Variants in ATP8A1 observed in about 807,000 individuals in gnomAD.
The protein encoded by ATP8A1 is phospholipid-transporting ATPase IA.
Under a neutral mutation model 177.7 loss-of-function variants are expected in ATP8A1, and 90 were observed. The observed-to-expected ratio is 0.51, with a 90% CI of 0.43 to 0.60. The LOEUF (loss-of-function observed/expected upper bound fraction) is 0.60. ATP8A1 is among the 20% of genes least tolerant of loss of function. The pLI, the probability that ATP8A1 is intolerant of heterozygous loss-of-function variation, is 0.00. For missense variants in ATP8A1, 1,072 were observed against 1,392.8 expected, an observed-to-expected ratio of 0.77 and a Z score of 3.67; for synonymous variants, 493 against 485.9, an observed-to-expected ratio of 1.01 and a Z score of -0.19.
chr4:42,471,940 A>G, intron 25 of ATP8A1: 2 of 671,798 alleles, frequency 3.0e-6, no homozygotes, highest in Non-Finnish European at 5.7e-6. Context: ...CAGGAAGCTG[A>G]GTATTACAGC....
At chr4:42,511,941 G>C (rs190636563) in intron 22 of ATP8A1, among the ~76,000 whole-genome samples, 2 of 152,224 alleles carry the variant, frequency 1.3e-5, no homozygotes, top group South Asian at 4.2e-4. Context: ...TAAAGACAAA[G>C]TAATATTATT....
At chr4:42,604,278 C>G (rs1206495811) in intron 5 of ATP8A1, among the ~76,000 whole-genome samples, 1 of 152,222 alleles carries the variant, frequency 6.6e-6, no homozygotes, top group Non-Finnish European at 1.5e-5. Context: ...TCCTTTAGAA[C>G]ACTTATCACA....
At chr4:42,597,090 A>G (rs938104216) in intron 6 of ATP8A1, among the ~76,000 whole-genome samples, 2 of 152,196 alleles carry the variant, frequency 1.3e-5, no homozygotes, top group Non-Finnish European at 2.9e-5. Flanking sequence ...AAGTCTGCCC[A>G]GCTGTGAATG....
chr4:42,555,122 T>G (rs1027710142), intron 16 of ATP8A1, among the ~76,000 whole-genome samples: 1 of 93,632 alleles, frequency 1.1e-5, no homozygotes, highest in South Asian at 3.5e-4. Context: ...TCTATCTATC[T>G]ATCTATCTAT....
At chr4:42,654,216 C>T (rs556608650) in intron 1 of ATP8A1, among the ~76,000 whole-genome samples, 1 of 152,260 alleles carries the variant, frequency 6.6e-6, no homozygotes, top group East Asian at 1.9e-4. Context: ...TAAGTATGTA[C>T]TAAATTCCTA....
At chr4:42,551,811 C>A (rs1276714752) in intron 17 of ATP8A1, among the ~76,000 whole-genome samples, 3 of 152,058 alleles carry the variant, frequency 2.0e-5, no homozygotes, top group Non-Finnish European at 4.4e-5. Flanking sequence ...TAGTTTCTAC[C>A]CTAATGATAT....
chr4:42,595,565 A>T (rs1268388042), intron 6 of ATP8A1, among the ~76,000 whole-genome samples: 1 of 152,204 alleles, frequency 6.6e-6, no homozygotes, highest in Non-Finnish European at 1.5e-5. Flanking sequence ...AAAAACTGCA[A>T]GTATAAATGT....
chr4:42,493,716 T>G (rs1469241609), intron 24 of ATP8A1, among the ~76,000 whole-genome samples: 3 of 152,176 alleles, frequency 2.0e-5, no homozygotes, highest in Admixed American at 6.5e-5. Flanking sequence ...GGCAGGTGAC[T>G]TAACTTCTCT....
In ATP8A1 at chr4:42,586,125, C is replaced by A. The variant is rs1484036637; in HGVS notation, c.722+224G>T. Among the ~76,000 whole-genome samples the A allele has an allele frequency of 2.6e-5, 4 of 152,146 alleles. No homozygotes were observed. In the East Asian group the frequency reaches 7.7e-4, roughly 29 times the overall value. Reference sequence around the variant, plus strand: ...GAATATCTCTGAAAATATCCTCCAGCCAGATTGGCAGGAACTCTGGGAAGT... The same window carrying A: ...GAATATCTCTGAAAATATCCTCCAGACAGATTGGCAGGAACTCTGGGAAGT... On this transcript the variant is annotated intron_variant, in intron 9 of 36. Transcript: ENST00000381668.
rs1735595280 is a variant in ATP8A1, at chr4:42,604,444, T to C, written c.410-3926A>G. On this transcript the variant is annotated intron_variant, in intron 5 of 36. Coordinates refer to ENST00000381668, the MANE Select transcript of ATP8A1 (RefSeq NM_006095.2). ...ACAGCACACACTGGTGCTCAGTAAG[T>C]ACTAACTGGGTGGAATGCTGGATCC... Among the ~76,000 whole-genome samples, 2 of 152,204 alleles carry C rather than the reference T, an allele frequency of 1.3e-5. 1 individual carries two copies. Among genetic ancestry groups the C allele is most frequent in the South Asian group, 4.1e-4 (2 of 4,830 alleles).
chr4:42,433,208 C>T (rs984733277), intron 33 of ATP8A1, among the ~76,000 whole-genome samples: 3 of 152,314 alleles, frequency 2.0e-5, no homozygotes, highest in South Asian at 2.1e-4. Context: ...TTTTCACACC[C>T]ACCTTCCTGG....
chr4:42,625,730 A>T lies in ATP8A1; in HGVS notation c.165-17T>A. ...TTTGCAGTGCTAGAAAACAAAAATG[A>T]AAAGTAGCATAAAACTTCTCCATAA... On this transcript the variant is annotated splice_polypyrimidine_tract_variant and intron_variant, in intron 2 of 36. Coordinates refer to ENST00000381668, the MANE Select transcript of ATP8A1 (RefSeq NM_006095.2). 1 of 1,505,506 alleles carries T rather than the reference A, an allele frequency of 6.6e-7. No individual in the cohort carries two copies. Among genetic ancestry groups the T allele is most frequent in the Non-Finnish European group, 9.1e-7 (1 of 1,096,182 alleles). 93.3% of individuals were successfully genotyped at this position (1,505,506 alleles called of 1,614,324 possible). A position where few individuals can be genotyped will look rare whatever the true frequency, so the allele number is the denominator to read the frequency against.
At chr4:42,544,854 A>C (rs1468740310) in intron 19 of ATP8A1, among the ~76,000 whole-genome samples, 1 of 152,110 alleles carries the variant, frequency 6.6e-6, no homozygotes, top group Admixed American at 6.5e-5. Flanking sequence ...TTTCTTTCAG[A>C]GGTATTTAGA....
intron 25 of ATP8A1, among the ~76,000 whole-genome samples, chr4:42,475,065 C>T (rs1362105320): frequency 6.6e-6 from 1 of 152,164 alleles, no homozygotes; most frequent in African/African-American, 2.4e-5. Flanking sequence ...CACCATTTTA[C>T]AAACGAGGAA....
chr4:42,493,560 G>A (rs1258361828), intron 24 of ATP8A1, among the ~76,000 whole-genome samples: 4 of 151,958 alleles, frequency 2.6e-5, no homozygotes, highest in South Asian at 2.1e-4. Context: ...TAAACTCTTC[G>A]CCAGAGTTAT....
intron 24 of ATP8A1, among the ~76,000 whole-genome samples, chr4:42,491,917 G>C (rs924780597): frequency 2.6e-5 from 4 of 152,162 alleles, no homozygotes; most frequent in Non-Finnish European, 4.4e-5. Context: ...ATAGCCTCTA[G>C]AATTTGACTC....
intron 29 of ATP8A1, among the ~76,000 whole-genome samples, chr4:42,454,801 A>T (rs1383409957): frequency 6.6e-6 from 1 of 152,128 alleles, no homozygotes. Context: ...AGAGACTGTA[A>T]TTTTAATGCC....
At chr4:42,622,418 T>C (rs1008349700) in intron 4 of ATP8A1, among the ~76,000 whole-genome samples, 1 of 151,510 alleles carries the variant, frequency 6.6e-6, no homozygotes. Context: ...AAGACTTAAA[T>C]ATAAAACCCC....
At chr4:42,568,872 G>A (rs369286983) in intron 15 of ATP8A1, among the ~76,000 whole-genome samples, 2 of 151,974 alleles carry the variant, frequency 1.3e-5, no homozygotes, top group African/African-American at 4.8e-5. Flanking sequence ...GAAACCTGAG[G>A]TAGTCCAAAG....
Sources: allele counts gnomAD v4.1 joint callset (sites outside exome capture counted in the v4.1 genomes callset), GRCh38; gene constraint gnomAD v4.1.1; transcripts MANE v1.5; gene names NCBI Gene and HGNC (gene_info 2026-07-23, HGNC 2026-07-21).